PTDSS1: variants seen among roughly 807,000 people sequenced by gnomAD.
PTDSS1 encodes phosphatidylserine synthase 1, also known as PSS-1.
In PTDSS1, 45 loss-of-function variants were observed where a neutral mutation model predicts 70.5. That is an observed-to-expected ratio of 0.64 (90% CI 0.50 to 0.82). PTDSS1 has a LOEUF of 0.82. PTDSS1 is among the 40% of genes least tolerant of loss of function. The pLI is 0.00. For synonymous variants in PTDSS1, 188 were observed against 203.8 expected (o/e 0.92, Z 0.66); for missense variants, 417 against 586.1 (o/e 0.71, Z 2.98).
chr8:96,271,518 T>C (rs1810565847), intron 1 of PTDSS1, among the ~76,000 whole-genome samples: 1 of 152,228 alleles, frequency 6.6e-6, no homozygotes, highest in Non-Finnish European at 1.5e-5. Flanking sequence ...ATCTGGGATA[T>C]ATGTCATTTT....
At chr8:96,292,160 C>T (rs1046796061) in intron 4 of PTDSS1, among the ~76,000 whole-genome samples, 31 of 151,490 alleles carry the variant, frequency 2.0e-4, no homozygotes, top group Non-Finnish European at 3.4e-4. Context: ...ATTAGCTGGG[C>T]GTGGTGGCAC....
intron 2 of PTDSS1, among the ~76,000 whole-genome samples, chr8:96,282,485 C>A (rs984116973): frequency 6.6e-6 from 1 of 152,156 alleles, no homozygotes; most frequent in Admixed American, 6.5e-5. Context: ...TTTCAATAAA[C>A]CCCTAACCAT....
chr8:96,330,992 A>G (rs940973860), intron 11 of PTDSS1, 34 bp from the exon 12 acceptor site: 3 of 1,578,942 alleles, frequency 1.9e-6, no homozygotes, highest in Non-Finnish European at 2.6e-6. Context: ...GGGAGTTCCT[A>G]AAATTCCTGC....
chr8:96,317,532 C>T (rs769560985), intron 9 of PTDSS1, among the ~76,000 whole-genome samples: 1 of 151,598 alleles, frequency 6.6e-6, no homozygotes, highest in Non-Finnish European at 1.5e-5. Flanking sequence ...CTCAGGAGTT[C>T]GAGACCAATC....
rs1251413441 is a variant in PTDSS1, at chr8:96,330,858, G to C, written c.1243-168G>C. 106 of 591,578 alleles carry C rather than the reference G, an allele frequency of 1.8e-4. 1 individual carries two copies. In the East Asian group the frequency reaches 3.0e-3, roughly 17 times the overall value. The allele number at this position is 591,578 out of a possible 1,614,324, so 36.6% of individuals were successfully genotyped here. On this transcript the variant is annotated intron_variant, in intron 11 of 12. Coordinates refer to ENST00000517309, the MANE Select transcript of PTDSS1 (RefSeq NM_014754.3). ...ATTCTGCATCACCTGTGAGAGGAAAGAACCTTGTTTTTATAGCAGAGAAAT... is the reference window on the plus strand; with the variant it reads ...ATTCTGCATCACCTGTGAGAGGAAACAACCTTGTTTTTATAGCAGAGAAAT...
intron 9 of PTDSS1, among the ~76,000 whole-genome samples, chr8:96,310,978 A>T (rs547783298): frequency 1.6e-4 from 24 of 152,074 alleles, no homozygotes; most frequent in African/African-American, 4.8e-4. Context: ...GTTGGCCAGG[A>T]TGGTCTCGAT....
At chr8:96,285,692 C>T (rs1275849523) in intron 3 of PTDSS1, among the ~76,000 whole-genome samples, 2 of 152,092 alleles carry the variant, frequency 1.3e-5, no homozygotes, top group African/African-American at 4.8e-5. Context: ...TATAGATAGA[C>T]CCATTCCCTA....
intron 6 of PTDSS1, among the ~76,000 whole-genome samples, chr8:96,303,831 T>G (rs1811083417): frequency 6.6e-6 from 1 of 152,192 alleles, no homozygotes; most frequent in Non-Finnish European, 1.5e-5. Context: ...GCCCTGTGCC[T>G]GTCATCAATG....
At chr8:96,276,978 GCGCACACACACACACA>G (rs1448994909) in intron 2 of PTDSS1, among the ~76,000 whole-genome samples, 7 of 129,634 alleles carry the variant, frequency 5.4e-5, no homozygotes, top group African/African-American at 1.6e-4. Context: ...GCGCACGCGC[GCGCACACACACACACA>G]CACACACACA....
chr8:96,319,517 A>G (rs1811345370), intron 9 of PTDSS1, among the ~76,000 whole-genome samples: 1 of 152,004 alleles, frequency 6.6e-6, no homozygotes, highest in East Asian at 1.9e-4. Flanking sequence ...AAAAATTTGT[A>G]TTTAGCACAA....
chr8:96,299,652 G>A, intron 5 of PTDSS1, 42 bp from the exon 6 acceptor site: 1 of 1,559,580 alleles, frequency 6.4e-7, no homozygotes, highest in Non-Finnish European at 8.7e-7. Flanking sequence ...TGGTACCCCA[G>A]TTTTGTTTAT....
chr8:96,275,524 C>T (rs1207467571), intron 2 of PTDSS1, among the ~76,000 whole-genome samples: 3 of 152,094 alleles, frequency 2.0e-5, no homozygotes, highest in African/African-American at 4.8e-5. Context: ...TTGAATTTTA[C>T]GTTAGAGGAG....
At chr8:96,284,396 C>T (rs931190730) in intron 3 of PTDSS1, among the ~76,000 whole-genome samples, 14 of 152,184 alleles carry the variant, frequency 9.2e-5, no homozygotes, top group Non-Finnish European at 1.8e-4. Context: ...ATGTTGTTGT[C>T]TCTTAATGTA....
chr8:96,289,538 C>G (rs1295246208), intron 4 of PTDSS1, among the ~76,000 whole-genome samples: 2 of 152,128 alleles, frequency 1.3e-5, no homozygotes, highest in African/African-American at 4.8e-5. Flanking sequence ...GGACAAGGAC[C>G]AAATTATGTA....
At chr8:96,306,420 G>T (rs374891168) in intron 7 of PTDSS1, 24 bp from the exon 8 acceptor site, 1 of 1,540,350 alleles carries the variant, frequency 6.5e-7, no homozygotes, top group South Asian at 1.1e-5. Context: ...GTACCAGGTT[G>T]ACTAATTTCT....
Position 96,262,999 on chromosome 8 carries a change from A to G in PTDSS1, c.179+780A>G, listed in dbSNP as rs572336351. On this transcript the variant is annotated intron_variant, in intron 1 of 12. Coordinates refer to ENST00000517309, the MANE Select transcript of PTDSS1 (RefSeq NM_014754.3). The surrounding 1 kb of genome is among the most constrained non-coding windows in gnomAD (Gnocchi z 4.4). The stretch of plus-strand genomic sequence containing the variant: ...CACGCGGTGCATACCCTGCTCACTC[A>G]TTACCTAACATACGTGCTGAAATGT... 2.4e-4 allele frequency among the ~76,000 whole-genome samples: 37 copies of G among 152,270 alleles called. No homozygotes were observed. In the South Asian group the frequency reaches 7.5e-3, roughly 31 times the overall value.
intron 9 of PTDSS1, among the ~76,000 whole-genome samples, chr8:96,311,050 G>A (rs2130129345): frequency 6.6e-6 from 1 of 152,320 alleles, no homozygotes; most frequent in Non-Finnish European, 1.5e-5. Flanking sequence ...ACAGGCTTGA[G>A]CCACTGCGCC....
chr8:96,332,652 A>G (rs1357868451), intron 12 of PTDSS1, among the ~76,000 whole-genome samples: 1 of 152,280 alleles, frequency 6.6e-6, no homozygotes, highest in African/African-American at 2.4e-5. Context: ...AGAATTAAGC[A>G]GTAGTAGAGA....
At chr8:96,289,026 C>A (rs1191311747) in intron 4 of PTDSS1, among the ~76,000 whole-genome samples, 3 of 152,018 alleles carry the variant, frequency 2.0e-5, no homozygotes, top group Admixed American at 2.0e-4. Flanking sequence ...CCTCCACCTC[C>A]CTGGTTCAAG....
Sources: gnomAD v4.1 joint callset for allele counts (sites outside exome capture counted in the v4.1 genomes callset) on GRCh38, gnomAD v4.1.1 for gene constraint, Gnocchi (gnomAD v3.1) non-coding constraint, MANE v1.5 for transcripts, NCBI Gene and HGNC (gene_info 2026-07-23, HGNC 2026-07-21) for gene names.